The following GALNTL6 variants were observed in gnomAD, a reference collection of about 807,000 sequenced individuals.
GALNTL6 encodes polypeptide N-acetylgalactosaminyltransferase like 6.
In GALNTL6, 46 loss-of-function variants were observed where a neutral mutation model predicts 73.7. That is an observed-to-expected ratio of 0.62 (90% CI 0.49 to 0.80). The LOEUF is 0.80. Among genes scored for constraint, GALNTL6 ranks in the 30% least tolerant of loss-of-function variants. The pLI, the probability that GALNTL6 is intolerant of heterozygous loss-of-function variation, is 0.00. For missense variants in GALNTL6, 604 were observed against 755.0 expected, an observed-to-expected ratio of 0.80 and a Z score of 2.34; for synonymous variants, 259 against 263.7, an observed-to-expected ratio of 0.98 and a Z score of 0.17.
chr4:172,105,963 A>G (rs1386097903), intron 2 of GALNTL6, among the ~76,000 whole-genome samples: 3 of 152,196 alleles, frequency 2.0e-5, no homozygotes, highest in Non-Finnish European at 4.4e-5. Context: ...GAATTGTAAA[A>G]ATGAAAGTTG....
intron 5 of GALNTL6, among the ~76,000 whole-genome samples, chr4:172,497,576 A>G (rs1260071954): frequency 1.3e-5 from 2 of 152,220 alleles, no homozygotes; most frequent in Admixed American, 1.3e-4. Context: ...CAGTCTTATT[A>G]TTAGGTCCCT....
At chr4:172,862,559 G>T (rs541968629) in intron 7 of GALNTL6, among the ~76,000 whole-genome samples, 1 of 152,188 alleles carries the variant, frequency 6.6e-6, no homozygotes, top group South Asian at 2.1e-4. Flanking sequence ...ACTTAACTGG[G>T]CATGGTGGCA....
chr4:171,906,275 G>T (rs1290521557), intron 2 of GALNTL6, among the ~76,000 whole-genome samples: 1 of 150,748 alleles, frequency 6.6e-6, no homozygotes, highest in Non-Finnish European at 1.5e-5. Context: ...AAAGAGAGAA[G>T]AATCAAATAG....
intron 2 of GALNTL6, among the ~76,000 whole-genome samples, chr4:171,978,020 G>C (rs10027525): frequency 0.026 from 3,960 of 152,046 alleles, 170 homozygotes; most frequent in African/African-American, 0.091. Flanking sequence ...GTATTCTTTA[G>C]AGATTTTTGT....
chr4:172,677,877 A>C (rs1325210248), intron 5 of GALNTL6, among the ~76,000 whole-genome samples: 1 of 152,222 alleles, frequency 6.6e-6, no homozygotes, highest in Non-Finnish European at 1.5e-5. Flanking sequence ...GAAGGCAAAA[A>C]AAAAAAATTC....
At chr4:172,853,674 C>A (rs781668089) in intron 7 of GALNTL6, among the ~76,000 whole-genome samples, 3 of 152,190 alleles carry the variant, frequency 2.0e-5, no homozygotes, top group Non-Finnish European at 2.9e-5. Context: ...ATCAGATCAA[C>A]TGAATTGTGC....
intron 5 of GALNTL6, among the ~76,000 whole-genome samples, chr4:172,658,501 A>G (rs1321811175): frequency 6.6e-6 from 1 of 152,028 alleles, no homozygotes; most frequent in African/African-American, 2.4e-5. Context: ...AGAAAAAAAA[A>G]AGAAATATCT....
intron 5 of GALNTL6, among the ~76,000 whole-genome samples, chr4:172,381,326 T>C (rs1452045372): frequency 1.3e-5 from 2 of 152,188 alleles, no homozygotes; most frequent in African/African-American, 4.8e-5. Context: ...CAGTGGTTTT[T>C]AGAATATTGA....
In GALNTL6 at chr4:172,644,321, A is replaced by G. The variant is rs1292290223; in HGVS notation, c.554-165040A>G. Among the ~76,000 whole-genome samples the G allele has an allele frequency of 2.0e-5, 3 of 152,096 alleles. No homozygotes were observed. The South Asian group carries it at 6.2e-4, about 32-fold the overall frequency. ...TACATATACACATACACACATACAC[A>G]CACACACAAACCTATGGTAACCACC... On this transcript the variant is annotated intron_variant, in intron 5 of 12. Coordinates refer to ENST00000506823, the MANE Select transcript of GALNTL6 (RefSeq NM_001034845.3).
In GALNTL6 at chr4:172,087,749, C is replaced by A. The variant is rs1732090621; in HGVS notation, c.139-141907C>A. 2.1e-5 allele frequency among the ~76,000 whole-genome samples: 3 copies of A among 144,926 alleles called. 1 individual carries two copies. In the South Asian group the frequency reaches 7.1e-4, roughly 34 times the overall value. On this transcript the variant is annotated intron_variant, in intron 2 of 12. Coordinates refer to ENST00000506823, the MANE Select transcript of GALNTL6 (RefSeq NM_001034845.3). ...CCCCTCAAAACATAAACAGTGATTA[C>A]CTACAAATAGCAGAAAAAAAAAAAA... is the stretch of plus-strand genomic sequence containing the variant.
At chr4:172,485,997 A>G (rs543332924) in intron 5 of GALNTL6, among the ~76,000 whole-genome samples, 2 of 152,308 alleles carry the variant, frequency 1.3e-5, no homozygotes, top group African/African-American at 4.8e-5. Context: ...ACCATTGACT[A>G]AAGTTTATTT....
chr4:172,764,692 A>T (rs1000922125), intron 5 of GALNTL6, among the ~76,000 whole-genome samples: 2 of 152,188 alleles, frequency 1.3e-5, no homozygotes, highest in African/African-American at 4.8e-5. Context: ...GTAAAAAAAA[A>T]TCAAAAGGTG....
chr4:172,310,295 G>A (rs2111142071), intron 3 of GALNTL6, among the ~76,000 whole-genome samples: 1 of 151,722 alleles, frequency 6.6e-6, no homozygotes, highest in African/African-American at 2.4e-5. Flanking sequence ...TAATATGACA[G>A]GGTCTTGTTC....
intron 5 of GALNTL6, among the ~76,000 whole-genome samples, chr4:172,580,856 C>T (rs984023677): frequency 1.3e-5 from 2 of 152,234 alleles, no homozygotes; most frequent in Middle Eastern, 3.4e-3. Context: ...CTCGGCTCAC[C>T]GCAACCTCCA....
At chr4:172,339,335 T>A (rs1331853023) in intron 4 of GALNTL6, among the ~76,000 whole-genome samples, 1 of 144,074 alleles carries the variant, frequency 6.9e-6, no homozygotes, top group African/African-American at 2.6e-5. Context: ...GGTCACCAAG[T>A]TGGTTTCTTC....
intron 2 of GALNTL6, among the ~76,000 whole-genome samples, chr4:171,989,677 GTTAA>G (rs1320298778): frequency 6.6e-6 from 1 of 152,212 alleles, no homozygotes; most frequent in African/African-American, 2.4e-5. Flanking sequence ...TGAAGGCAAT[GTTAA>G]TTAAGTCCTG....
chr4:171,936,411 T>C (rs111415283), intron 2 of GALNTL6, among the ~76,000 whole-genome samples: 133 of 152,256 alleles, frequency 8.7e-4, no homozygotes, highest in African/African-American at 2.8e-3. Context: ...TTGTTGTAAT[T>C]AAGGAATGCA....
intron 2 of GALNTL6, among the ~76,000 whole-genome samples, chr4:171,961,823 T>C (rs1269780197): frequency 7.9e-5 from 12 of 152,184 alleles, no homozygotes; most frequent in African/African-American, 2.7e-4. Context: ...TGGAACCAGC[T>C]AGCAACCCTA....
At chr4:171,887,359 T>C (rs1736634319) in intron 2 of GALNTL6, among the ~76,000 whole-genome samples, 1 of 152,186 alleles carries the variant, frequency 6.6e-6, no homozygotes. Flanking sequence ...CTATAGGTAA[T>C]GGAAATCATT....
Sources: allele counts gnomAD v4.1 joint callset (sites outside exome capture counted in the v4.1 genomes callset), GRCh38; gene constraint gnomAD v4.1.1; transcripts MANE v1.5; gene names NCBI Gene and HGNC (gene_info 2026-07-23, HGNC 2026-07-21).